Variants in AGAP1 observed in about 807,000 individuals in gnomAD.
AGAP1 encodes the protein ArfGAP with GTPase domain, ankyrin repeat and PH domain 1.
In AGAP1, 29 loss-of-function variants were observed where a neutral mutation model predicts 105.3. The ratio of observed to expected loss-of-function variants is 0.28; its 90% CI spans 0.21 to 0.38. AGAP1 has a LOEUF of 0.38. Among genes scored for constraint, AGAP1 ranks in the 10% least tolerant of loss-of-function variants. The pLI is 1.00. For missense variants in AGAP1, 998 were observed against 1,165.1 expected (o/e 0.86, Z 2.09); for synonymous variants, 509 against 485.9 (o/e 1.05, Z -0.63).
rs757546621 is a variant in AGAP1, at chr2:235,659,714, T to C, written c.164-49465T>C. Among the ~76,000 whole-genome samples, 21 of 152,360 alleles carry C rather than the reference T, an allele frequency of 1.4e-4. No homozygotes were observed. The highest frequency in any genetic ancestry group is 2.6e-4 in the Admixed American group (4 of 15,306). ...CCTCTCTGTAAACAGTTCTCAGTTA[T>C]TCCAAGTATTCTATTTCTTAATGGA... On this transcript the variant is annotated intron_variant, in intron 1 of 17. Transcript: ENST00000304032. This position sits in a 1 kb window ranked among gnomAD's most constrained non-coding sequence, Gnocchi z 5.0.
rs1950256072 is a variant in AGAP1 at position 235,701,414 on chromosome 2, TTGG to T, written c.164-7761_164-7759del. Reference sequence around the variant, plus strand: ...CTGCAGGGGTGGGCATGGTGGCATCTTGGTGGCCAGGTGTTCGTCACCCTGCAC... The same window carrying T: ...CTGCAGGGGTGGGCATGGTGGCATCTTGGCCAGGTGTTCGTCACCCTGCAC... On this transcript the variant is annotated intron_variant, in intron 1 of 17. Coordinates refer to ENST00000304032, the MANE Select transcript of AGAP1 (RefSeq NM_001037131.3). This position sits in a 1 kb window ranked among gnomAD's most constrained non-coding sequence, Gnocchi z 4.1. 6.6e-6 allele frequency among the ~76,000 whole-genome samples: 1 copy of T among 152,094 alleles called. No homozygotes were observed. Among genetic ancestry groups the T allele is most frequent in the Non-Finnish European group, 1.5e-5 (1 of 68,014 alleles).
intron 10 of AGAP1, among the ~76,000 whole-genome samples, chr2:235,885,357 A>G (rs1465231231): frequency 6.6e-6 from 1 of 152,216 alleles, no homozygotes; most frequent in Non-Finnish European, 1.5e-5. Context: ...TATCTGAAAA[A>G]TGAACCTTGG....
At chr2:235,798,870 CAAAAAAAAAAAAA>C (rs1041317180) in intron 7 of AGAP1, among the ~76,000 whole-genome samples, 4 of 49,004 alleles carry the variant, frequency 8.2e-5, no homozygotes, top group Non-Finnish European at 1.9e-4. Context: ...GACCCTGTCT[CAAAAAAAAAAAAA>C]AAAAAAAAAA....
chr2:235,984,470 C>CTT (rs1349738058), intron 13 of AGAP1, among the ~76,000 whole-genome samples: 1 of 124,358 alleles, frequency 8.0e-6, no homozygotes, highest in African/African-American at 2.9e-5. Flanking sequence ...CCACCAAATT[C>CTT]TTTTTTTTTT....
chr2:235,604,848 C>T (rs1574948478), intron 1 of AGAP1, among the ~76,000 whole-genome samples: 1 of 151,824 alleles, frequency 6.6e-6, no homozygotes, highest in East Asian at 2.0e-4. Flanking sequence ...TCCCAAAGTG[C>T]TGGGATTACA....
In AGAP1 at chr2:235,992,656, C is replaced by A. The variant is rs185310905; in HGVS notation, c.1645+24033C>A. Reference sequence around the variant, plus strand: ...TGAAGGCAATACTCATCAGAGTATGCATTAAGTAGCATTGAACCACATTTT... The same window carrying A: ...TGAAGGCAATACTCATCAGAGTATGAATTAAGTAGCATTGAACCACATTTT... On this transcript the variant is annotated intron_variant, in intron 13 of 17. Coordinates refer to ENST00000304032, the MANE Select transcript of AGAP1 (RefSeq NM_001037131.3). This position sits in a 1 kb window ranked among gnomAD's most constrained non-coding sequence, Gnocchi z 4.8. Among the ~76,000 whole-genome samples, 345 of 152,318 alleles carry A rather than the reference C, an allele frequency of 2.3e-3. 2 individuals carry two copies. The highest frequency in any genetic ancestry group is 7.6e-3 in the African/African-American group (315 of 41,568).
intron 13 of AGAP1, among the ~76,000 whole-genome samples, chr2:235,974,892 C>G (rs2054794341): frequency 6.6e-6 from 1 of 152,202 alleles, no homozygotes; most frequent in African/African-American, 2.4e-5. Context: ...CGGTTCCTCT[C>G]TCTCTCCAAG....
chr2:236,052,004 G>A (rs913456164), intron 16 of AGAP1, among the ~76,000 whole-genome samples: 2 of 152,136 alleles, frequency 1.3e-5, no homozygotes, highest in African/African-American at 4.8e-5. Flanking sequence ...GACGTGAGAA[G>A]ATTCTGCCTT....
rs957163937 is a variant in AGAP1, at chr2:236,062,810, C to T, written c.2114+13529C>T. 3.5e-4 allele frequency among the ~76,000 whole-genome samples: 53 copies of T among 151,890 alleles called. No individual in the cohort carries two copies. The highest frequency in any genetic ancestry group is 1.4e-3 in the East Asian group (7 of 5,096). On this transcript the variant is annotated intron_variant, in intron 16 of 17. Coordinates refer to ENST00000304032, the MANE Select transcript of AGAP1 (RefSeq NM_001037131.3). The surrounding 1 kb of genome is among the most constrained non-coding windows in gnomAD (Gnocchi z 4.2). ...CCAAGTAGCTGGGATTACAGGCTCCCGCCACCTTACCCAGCTAATGTTTGT... is the reference window on the plus strand; with the variant it reads ...CCAAGTAGCTGGGATTACAGGCTCCTGCCACCTTACCCAGCTAATGTTTGT...
intron 1 of AGAP1, among the ~76,000 whole-genome samples, chr2:235,538,353 A>G (rs1943308493): frequency 6.6e-6 from 1 of 151,856 alleles, no homozygotes; most frequent in African/African-American, 2.4e-5. Context: ...CACAAAATGC[A>G]TTGGATTCTA....
chr2:235,686,977 GA>G (rs1007062749), intron 1 of AGAP1, among the ~76,000 whole-genome samples: 8 of 151,798 alleles, frequency 5.3e-5, no homozygotes, highest in Non-Finnish European at 1.0e-4. Flanking sequence ...AAGGCTTTTT[GA>G]ATAATTATCT....
chr2:235,766,349 GCA>G (rs759742472), intron 6 of AGAP1, among the ~76,000 whole-genome samples: 1 of 152,188 alleles, frequency 6.6e-6, no homozygotes, highest in African/African-American at 2.4e-5. Context: ...GGCCCATGAA[GCA>G]CAGTGTATGC....
intron 13 of AGAP1, among the ~76,000 whole-genome samples, chr2:236,033,567 T>C (rs2057290142): frequency 6.6e-6 from 1 of 152,182 alleles, no homozygotes; most frequent in African/African-American, 2.4e-5. Flanking sequence ...TCATTCAGAT[T>C]TCCATTGTTT....
chr2:235,872,940 C>T lies in AGAP1; in HGVS notation c.1051-10405C>T, dbSNP rs1177038382. ...CCTCTCAATGGGGCTTTTGTGGTGG[C>T]TCCACGGTCCCTGAAAGTCCCCACT... is the stretch of plus-strand genomic sequence containing the variant. On this transcript the variant is annotated intron_variant, in intron 9 of 17. Transcript: ENST00000304032. The surrounding 1 kb of genome is among the most constrained non-coding windows in gnomAD (Gnocchi z 4.5). Among the ~76,000 whole-genome samples, 1 of 151,906 alleles carries T rather than the reference C, an allele frequency of 6.6e-6. No individual in the cohort carries two copies. The highest frequency in any genetic ancestry group is 1.9e-4 in the East Asian group (1 of 5,178).
chr2:236,054,749 C>T (rs922336160), intron 16 of AGAP1, among the ~76,000 whole-genome samples: 5 of 152,158 alleles, frequency 3.3e-5, no homozygotes, highest in Admixed American at 3.3e-4. Flanking sequence ...CCTGTCTGCC[C>T]TCATCTATTT....
chr2:235,817,871 A>G (rs1212208947), intron 9 of AGAP1, among the ~76,000 whole-genome samples: 2 of 152,238 alleles, frequency 1.3e-5, no homozygotes, highest in Non-Finnish European at 2.9e-5. Flanking sequence ...AGCCTGGGCA[A>G]CAGAGTGAGA....
At chr2:235,897,542 G>A (rs1331899565) in intron 10 of AGAP1, among the ~76,000 whole-genome samples, 1 of 152,146 alleles carries the variant, frequency 6.6e-6, no homozygotes, top group East Asian at 1.9e-4. Context: ...AAGGGACATC[G>A]TCCTACCAGT....
intron 12 of AGAP1, among the ~76,000 whole-genome samples, chr2:235,948,267 C>G (rs542896764): frequency 6.6e-6 from 1 of 150,746 alleles, no homozygotes; most frequent in East Asian, 1.9e-4. Flanking sequence ...ACTGCAGACT[C>G]TGCCTCCTGG....
In AGAP1 at chr2:235,992,062, A is replaced by G. The variant is rs568536346; in HGVS notation, c.1645+23439A>G. Among the ~76,000 whole-genome samples, 27 of 152,284 alleles carry G rather than the reference A, an allele frequency of 1.8e-4. No individual in the cohort carries two copies. Among genetic ancestry groups the G allele is most frequent in the Non-Finnish European group, 3.5e-4 (24 of 68,034 alleles). On this transcript the variant is annotated intron_variant, in intron 13 of 17. Transcript: ENST00000304032. The surrounding 1 kb of genome is among the most constrained non-coding windows in gnomAD (Gnocchi z 4.8). Reference sequence around the variant, plus strand: ...AGTTGGTGTCTCCTCTGTCCACAGGACATGGCCGTAGCCGTGTGTGGAGAA... The same window carrying G: ...AGTTGGTGTCTCCTCTGTCCACAGGGCATGGCCGTAGCCGTGTGTGGAGAA...
Sources: allele counts gnomAD v4.1 joint callset (sites outside exome capture counted in the v4.1 genomes callset), GRCh38; gene constraint gnomAD v4.1.1; non-coding constraint Gnocchi (gnomAD v3.1); transcripts MANE v1.5; gene names NCBI Gene and HGNC (gene_info 2026-07-23, HGNC 2026-07-21).